MRPL38: variants seen among roughly 807,000 people sequenced by gnomAD.
The protein encoded by MRPL38 is large ribosomal subunit protein mL38.
Under a neutral mutation model 52.1 loss-of-function variants are expected in MRPL38, and 51 were observed. The ratio of observed to expected loss-of-function variants is 0.98; its 90% confidence interval spans 0.78 to 1.24. MRPL38 has a LOEUF of 1.24. Among genes scored for constraint, MRPL38 ranks in the 50% most tolerant of loss-of-function variants. The pLI, the probability that MRPL38 is intolerant of heterozygous loss-of-function variation, is 0.00. For missense variants in MRPL38, 527 were observed against 518.6 expected, an observed-to-expected ratio of 1.02 and a Z score of -0.16; for synonymous variants, 245 against 212.7, an observed-to-expected ratio of 1.15 and a Z score of -1.32.
intron 2 of MRPL38, chr17:75,904,157 C>A: frequency 2.1e-6 from 1 of 471,266 alleles, no homozygotes; most frequent in Non-Finnish European, 4.3e-6. Flanking sequence ...GGATCCCTGT[C>A]AACAGGGCGC....
Position 75,898,843 on chromosome 17 carries a change from T to C in MRPL38, c.*7A>G, listed in dbSNP as rs752539425. The C allele has an allele frequency of 4.3e-6, 7 of 1,611,786 alleles. No individual in the cohort carries two copies. The highest frequency in any genetic ancestry group is 5.9e-6 in the Non-Finnish European group (7 of 1,179,462). ...CCCATGCTCTGAAATGCGCACACTCTGGCTCCTTAGTAGATGCCATAGGTG... is the reference window on the plus strand; with the variant it reads ...CCCATGCTCTGAAATGCGCACACTCCGGCTCCTTAGTAGATGCCATAGGTG... On this transcript the variant is annotated 3_prime_UTR_variant, in exon 9 of 9. Coordinates refer to ENST00000309352, the MANE Select transcript of MRPL38 (RefSeq NM_032478.4).
At chr17:75,900,679 C>T in intron 6 of MRPL38, 1 of 984,452 alleles carries the variant, frequency 1.0e-6, no homozygotes, top group Non-Finnish European at 1.3e-6. Flanking sequence ...CATGATTGCA[C>T]CACTGTACTC....
At position 75,901,955 on chromosome 17, in the gene MRPL38, T is replaced by TGGGGGGGGGG; in HGVS notation, c.383-36_383-35insCCCCCCCCCC. The TGGGGGGGGGG allele has an allele frequency of 1.6e-6, 1 of 608,440 alleles. No homozygotes were observed. The highest frequency in any genetic ancestry group is 2.5e-5 in the Admixed American group (1 of 40,318). 37.7% of individuals were successfully genotyped at this position (608,440 alleles called of 1,614,324 possible). A position where few individuals can be genotyped will look rare whatever the true frequency, so the allele number is the denominator to read the frequency against. Reference sequence around the variant, plus strand: ...AATAAGGCCAGTTGGGATACGGGGGTGGGGGGGGCAGGGACACACCCTGTA... The same window carrying TGGGGGGGGGG: ...AATAAGGCCAGTTGGGATACGGGGGTGGGGGGGGGGGGGGGGGGCAGGGACACACCCTGTA... On this transcript the variant is annotated intron_variant, in intron 3 of 8. Transcript: ENST00000309352. The surrounding 1 kb of genome is among the most constrained non-coding windows in gnomAD (Gnocchi z 5.7).
rs1448789168 is a variant in MRPL38, at chr17:75,901,101, A to G, written c.665-74T>C. The G allele has an allele frequency of 1.3e-6, 2 of 1,592,054 alleles. No homozygotes were observed. The highest frequency in any genetic ancestry group is 1.3e-5 in the African/African-American group (1 of 74,104). The stretch of plus-strand genomic sequence containing the variant: ...GCCACCCCCTCCCTTGTTAGGAGCC[A>G]GCGCTGGAGATCTCCACCTGGCCCC... On this transcript the variant is annotated intron_variant, in intron 5 of 8. Coordinates refer to ENST00000309352, the MANE Select transcript of MRPL38 (RefSeq NM_032478.4). The surrounding 1 kb of genome is among the most constrained non-coding windows in gnomAD (Gnocchi z 5.7).
Position 75,901,359 on chromosome 17 carries a change from G to A in MRPL38, c.592-86C>T. 1 of 1,349,674 alleles carries A rather than the reference G, an allele frequency of 7.4e-7. No homozygotes were observed. The highest frequency in any genetic ancestry group is 1.2e-5 in the South Asian group (1 of 81,350). The allele number at this position is 1,349,674 out of a possible 1,614,324, so 83.6% of individuals were successfully genotyped here. ...CCTTGGAGAAAGGGGTGCCCACTCT[G>A]ACCCAAAAGCCCTTGACAACCCCTG... On this transcript the variant is annotated intron_variant, in intron 4 of 8. Coordinates refer to ENST00000309352, the MANE Select transcript of MRPL38 (RefSeq NM_032478.4). The surrounding 1 kb of genome is among the most constrained non-coding windows in gnomAD (Gnocchi z 5.7).
Position 75,904,619 on chromosome 17 carries a change from G to A in MRPL38, c.168C>T (p.Arg56=). ...ERLEKYRSFD[R]YRRRAEQEAQ... ...CCTCCTGCTCTGCTCGGCGCCGGTA[G>A]CGGTCGAAGCTCCGGTACTTCTCCA... The change falls in exon 2 of 9, where the codon CGC becomes CGT. Residue 56 remains arginine, a synonymous_variant. Coordinates refer to ENST00000309352, the MANE Select transcript of MRPL38 (RefSeq NM_032478.4). 6.3e-7 allele frequency: 1 copy of A among 1,594,096 alleles called. No individual in the cohort carries two copies. The highest frequency in any genetic ancestry group is 8.5e-7 in the Non-Finnish European group (1 of 1,177,356).
At chr17:75,903,948 G>C (rs2065416632) in intron 2 of MRPL38, among the ~76,000 whole-genome samples, 1 of 152,086 alleles carries the variant, frequency 6.6e-6, no homozygotes, top group South Asian at 2.1e-4. Context: ...GGCTGGTCTC[G>C]AACTCCCGAC....
At position 75,899,200 on chromosome 17, in the gene MRPL38, G is replaced by A. The variant is rs1352525977; in HGVS notation, c.964C>T (p.Arg322Cys). 4 of 1,607,342 alleles carry A rather than the reference G, an allele frequency of 2.5e-6. No homozygotes were observed. Among genetic ancestry groups the A allele is most frequent in the Non-Finnish European group, 3.4e-6 (4 of 1,177,242 alleles). ...TPAGLSFFQC[R>C]WDDSVTYIFH... is the part of the protein sequence containing the mutation. The stretch of plus-strand genomic sequence containing the variant: ...ATGTAGGTGACGGAGTCATCCCAGC[G>A]GCACTGGAAGAAGGACAAGCCGGCT... Residue 322 changes from arginine (R) to cysteine (C), a missense_variant, in exon 8 of 9, where the codon CGC (arginine) becomes TGC (cysteine). Arg to Cys is a radical substitution (Grantham distance 180, BLOSUM62 -3). Coordinates refer to ENST00000309352, the MANE Select transcript of MRPL38 (RefSeq NM_032478.4).
rs529753858 is a variant in MRPL38, at chr17:75,899,344, C to T, written c.870-50G>A. 14 of 1,590,944 alleles carry T rather than the reference C, an allele frequency of 8.8e-6. No individual in the cohort carries two copies. The South Asian group carries it at 1.5e-4, about 17-fold the overall frequency. ...AGAGTGTGGAGTGGGGCACCAGAGC[C>T]CCTCACCCCGCCACCCCAACAGGTA... is the stretch of plus-strand genomic sequence containing the variant. On this transcript the variant is annotated intron_variant, in intron 7 of 8. Coordinates refer to ENST00000309352, the MANE Select transcript of MRPL38 (RefSeq NM_032478.4).
rs930130295 is a variant in MRPL38 at position 75,901,941 on chromosome 17, T to C, written c.383-21A>G. On this transcript the variant is annotated intron_variant, in intron 3 of 8. Coordinates refer to ENST00000309352, the MANE Select transcript of MRPL38 (RefSeq NM_032478.4). This position sits in a 1 kb window ranked among gnomAD's most constrained non-coding sequence, Gnocchi z 5.7. ...ACTGGCTAGACAGGAATAAGGCCAG[T>C]TGGGATACGGGGGTGGGGGGGGCAG... 1.2e-6 allele frequency: 2 copies of C among 1,606,780 alleles called. No homozygotes were observed. The highest frequency in any genetic ancestry group is 1.7e-4 in the Middle Eastern group (1 of 6,038).
chr17:75,899,689 G>A lies in MRPL38; in HGVS notation c.711-15C>T, dbSNP rs928223193. 5 of 1,545,150 alleles carry A rather than the reference G, an allele frequency of 3.2e-6. No individual in the cohort carries two copies. Among genetic ancestry groups the A allele is most frequent in the African/African-American group, 1.4e-5 (1 of 73,376 alleles). ...GGATGTTGGTTCTGGGAGGAGGAAA[G>A]TCCCGGTTAATTACCACTCCAGGGA... On this transcript the variant is annotated splice_polypyrimidine_tract_variant and intron_variant, in intron 6 of 8. Coordinates refer to ENST00000309352, the MANE Select transcript of MRPL38 (RefSeq NM_032478.4).
chr17:75,900,720 C>CAAAAAAAAAA, intron 6 of MRPL38: 2 of 1,032,850 alleles, frequency 1.9e-6, no homozygotes, highest in Non-Finnish European at 1.2e-6. Flanking sequence ...GACCCTGTCT[C>CAAAAAAAAAA]AAAAAAAAAA....
chr17:75,903,723 CTTTT>C (rs745406432), intron 2 of MRPL38, among the ~76,000 whole-genome samples: 1 of 144,128 alleles, frequency 6.9e-6, no homozygotes, highest in Non-Finnish European at 1.5e-5. Context: ...AGGTTGGGGT[CTTTT>C]TTTTTTTTTC....
rs568824431 is a variant in MRPL38, at chr17:75,901,902, G to A, written c.401C>T (p.Ala134Val). The change falls in exon 4 of 9, where the codon GCC becomes GTC. Residue 134 changes from alanine (A) to valine (V), a missense_variant. Physicochemically the swap from Ala to Val is moderately conservative, Grantham distance 64. Transcript: ENST00000309352. This position sits in a 1 kb window ranked among gnomAD's most constrained non-coding sequence, Gnocchi z 5.7. ...GGTCCTCTCCCACTCGGCCCGCACG[G>A]CATCCAGCGGGACACTGGCTAGACA... ...RLRTASVPLD[A>V]VRAEWERTCG... 6.4e-7 allele frequency: 1 copy of A among 1,551,516 alleles called. No homozygotes were observed. The highest frequency in any genetic ancestry group is 2.6e-5 in the East Asian group (1 of 38,914).
rs2065403980 is a variant in MRPL38 at position 75,901,425 on chromosome 17, C to T, written c.592-152G>A. Reference sequence around the variant, plus strand: ...CAAAGGGATGCGTAGAGAAGCAGCCCTGCAGAGTTGCCTGTCCAGGCAACA... The same window carrying T: ...CAAAGGGATGCGTAGAGAAGCAGCCTTGCAGAGTTGCCTGTCCAGGCAACA... On this transcript the variant is annotated intron_variant, in intron 4 of 8. Coordinates refer to ENST00000309352, the MANE Select transcript of MRPL38 (RefSeq NM_032478.4). The surrounding 1 kb of genome is among the most constrained non-coding windows in gnomAD (Gnocchi z 5.7). 1.3e-6 allele frequency: 1 copy of T among 787,964 alleles called. No individual in the cohort carries two copies. The highest frequency in any genetic ancestry group is 2.1e-6 in the Non-Finnish European group (1 of 482,148). The allele number at this position is 787,964 out of a possible 1,614,324, so 48.8% of individuals were successfully genotyped here. A position where few individuals can be genotyped will look rare whatever the true frequency, so the allele number is the denominator to read the frequency against.
rs1199541208 is a variant in MRPL38 at position 75,904,735 on chromosome 17, A to G, written c.68-16T>C. The G allele has an allele frequency of 1.3e-6, 2 of 1,536,060 alleles. No homozygotes were observed. On this transcript the variant is annotated splice_polypyrimidine_tract_variant and intron_variant, in intron 1 of 8. Coordinates refer to ENST00000309352, the MANE Select transcript of MRPL38 (RefSeq NM_032478.4). ...CCCAGGACGGCTGCGGGCAGAGAGAAGACGTAAGGCCGGCGCCCCACAGCT... is the reference window on the plus strand; with the variant it reads ...CCCAGGACGGCTGCGGGCAGAGAGAGGACGTAAGGCCGGCGCCCCACAGCT...
chr17:75,904,606 C>A lies in MRPL38; in HGVS notation c.181G>T (p.Ala61Ser), dbSNP rs1448485293. 1.3e-6 allele frequency: 2 copies of A among 1,592,992 alleles called. No homozygotes were observed. The highest frequency in any genetic ancestry group is 2.7e-5 in the African/African-American group (2 of 74,722). ...TGCGGGGCCTGCGCCTCCTGCTCTG[C>A]TCGGCGCCGGTAGCGGTCGAAGCTC... The part of the protein sequence containing the change: ...YRSFDRYRRR[A>S]EQEAQAPHWW... Residue 61 changes from alanine (A) to serine (S), a missense_variant, in exon 2 of 9, where the codon GCA becomes TCA. Coordinates refer to ENST00000309352, the MANE Select transcript of MRPL38 (RefSeq NM_032478.4).
At chr17:75,900,918 C>A in intron 6 of MRPL38, 64 bp downstream of exon 6, 1 of 1,572,084 alleles carries the variant, frequency 6.4e-7, no homozygotes, top group South Asian at 1.2e-5. Flanking sequence ...GCAGCTCAGT[C>A]CAGGCTCCCA....
chr17:75,904,847 A>C lies in MRPL38; in HGVS notation c.29T>G (p.Leu10Arg). Reference sequence around the variant, plus strand: ...GCCCCGCCATCTCCGACACTCGCACAGCGCGGCTCGCCACCAGGGCGCCGC... The same window carrying C: ...GCCCCGCCATCTCCGACACTCGCACCGCGCGGCTCGCCACCAGGGCGCCGC... MAAPWWRAA[L>R]CECRRWRGFS... is the part of the protein sequence containing the mutation. The change falls in exon 1 of 9, where the codon CTG (leucine) becomes CGG (arginine). Residue 10 changes from leucine to arginine, a missense_variant. Physicochemically the swap from Leu to Arg is moderately radical, Grantham distance 102. Transcript: ENST00000309352. 1 of 1,445,500 alleles carries C rather than the reference A, an allele frequency of 6.9e-7. No individual in the cohort carries two copies. Among genetic ancestry groups the C allele is most frequent in the East Asian group, 3.0e-5 (1 of 33,022 alleles). The allele number at this position is 1,445,500 out of a possible 1,614,324, so 89.5% of individuals were successfully genotyped here.
Sources: allele counts gnomAD v4.1 joint callset (sites outside exome capture counted in the v4.1 genomes callset), GRCh38; gene constraint gnomAD v4.1.1; non-coding constraint Gnocchi (gnomAD v3.1); transcripts MANE v1.5; gene names NCBI Gene and HGNC (gene_info 2026-07-23, HGNC 2026-07-21).